The following DYNC2I1 variants were observed in gnomAD, a reference collection of about 807,000 sequenced individuals.
The protein encoded by DYNC2I1 is cytoplasmic dynein 2 intermediate chain 1.
Under a neutral mutation model 133.4 loss-of-function variants are expected in DYNC2I1, and 89 were observed. That is an observed-to-expected ratio of 0.67 (90% CI 0.56 to 0.80). The LOEUF is 0.80. Ranked by LOEUF, DYNC2I1 falls within the 30% of genes least tolerant of loss-of-function variation. The pLI is 0.00. For missense variants in DYNC2I1, 1,291 were observed against 1,314.5 expected, an observed-to-expected ratio of 0.98 and a Z score of 0.28; for synonymous variants, 504 against 484.3, an observed-to-expected ratio of 1.04 and a Z score of -0.54.
the DYNC2I1 span, among the ~76,000 whole-genome samples, chr7:158,847,734 A>G: frequency 6.6e-6 from 1 of 152,250 alleles, no homozygotes; most frequent in Non-Finnish European, 1.5e-5. Flanking sequence ...TCCAATGTGG[A>G]TCTGTCTCAG....
chr7:158,881,718 G>T (rs1844047332), intron 5 of DYNC2I1, among the ~76,000 whole-genome samples: 1 of 152,174 alleles, frequency 6.6e-6, no homozygotes, highest in Admixed American at 6.5e-5. Context: ...CTCCCAAAGT[G>T]CTGGGATTAC....
the DYNC2I1 span, among the ~76,000 whole-genome samples, chr7:158,844,862 C>T: frequency 2.0e-5 from 3 of 152,170 alleles, no homozygotes; most frequent in Non-Finnish European, 4.4e-5. Context: ...CTCAGGTGAT[C>T]CACCTGCCTC....
intron 3 of DYNC2I1, among the ~76,000 whole-genome samples, chr7:158,874,354 C>T (rs1280046338): frequency 1.3e-5 from 2 of 152,132 alleles, no homozygotes; most frequent in East Asian, 1.9e-4. Context: ...GTTATAGGCA[C>T]GTGTCACCAC....
chr7:158,927,266 G>C (rs987439497), intron 20 of DYNC2I1, among the ~76,000 whole-genome samples: 1 of 151,906 alleles, frequency 6.6e-6, no homozygotes, highest in African/African-American at 2.4e-5. Flanking sequence ...GGCTGGGCGT[G>C]GTGGCACACA....
At chr7:158,940,029 G>T (rs149302771) in intron 23 of DYNC2I1, among the ~76,000 whole-genome samples, 4 of 152,282 alleles carry the variant, frequency 2.6e-5, no homozygotes, top group South Asian at 4.1e-4. Context: ...GAAATAGACT[G>T]TAATGCAATA....
chr7:158,884,659 C>T (rs369441055), intron 6 of DYNC2I1, 40 bp downstream of exon 6: 44 of 1,604,000 alleles, frequency 2.7e-5, no homozygotes, highest in African/African-American at 2.3e-4. Flanking sequence ...TTACGTGTGC[C>T]GCTCTCATGG....
In DYNC2I1 at chr7:158,926,274, T is replaced by C. The variant is rs1251511335; in HGVS notation, c.2345T>C (p.Val782Ala). ...STSVHKKQSF[V>A]LSPFSTQEEM... is the part of the protein sequence containing the mutation. ...TCCGTCCACAAAAAGCAGAGCTTTG[T>C]GCTTTCACCCTTTTCTACTCAAGAA... is the stretch of plus-strand genomic sequence containing the variant. Residue 782 changes from valine to alanine, a missense_variant, in exon 18 of 25, where the codon GTG becomes GCG. By Grantham distance (64) the Val-to-Ala change is moderately conservative. Transcript: ENST00000407559. 10 of 1,612,952 alleles carry C rather than the reference T, an allele frequency of 6.2e-6. No homozygotes were observed. The highest frequency in any genetic ancestry group is 8.5e-6 in the Non-Finnish European group (10 of 1,179,534).
chr7:158,846,900 T>C, the DYNC2I1 span, among the ~76,000 whole-genome samples: 10 of 152,178 alleles, frequency 6.6e-5, no homozygotes, highest in Non-Finnish European at 1.2e-4. Flanking sequence ...AATGAAAAAA[T>C]CTTTTGGATC....
At chr7:158,896,869 T>G (rs80095182) in intron 8 of DYNC2I1, among the ~76,000 whole-genome samples, 6 of 150,552 alleles carry the variant, frequency 4.0e-5, no homozygotes, top group African/African-American at 1.5e-4. Context: ...GTCTGTAGTT[T>G]TTTTTTTTTT....
At chr7:158,881,674 C>T (rs1384076121) in intron 5 of DYNC2I1, among the ~76,000 whole-genome samples, 1 of 152,126 alleles carries the variant, frequency 6.6e-6, no homozygotes, top group Non-Finnish European at 1.5e-5. Context: ...AGGATGGTCT[C>T]AATCTCCTGA....
At chr7:158,907,398 T>C (rs1327083375) in intron 11 of DYNC2I1, among the ~76,000 whole-genome samples, 1 of 150,316 alleles carries the variant, frequency 6.7e-6, no homozygotes, top group Non-Finnish European at 1.5e-5. Context: ...CTCATATAAA[T>C]ATGAGATAAA....
At chr7:158,941,333 C>T (rs1851340040) in intron 23 of DYNC2I1, among the ~76,000 whole-genome samples, 5 of 152,118 alleles carry the variant, frequency 3.3e-5, no homozygotes, top group Admixed American at 3.3e-4. Context: ...ATCTTAATGG[C>T]CCATATTTGA....
At chr7:158,894,137 G>GCATATCCTACCA (rs1554455836) in intron 8 of DYNC2I1, among the ~76,000 whole-genome samples, 3 of 151,468 alleles carry the variant, frequency 2.0e-5, no homozygotes, top group African/African-American at 7.3e-5. Context: ...ATATCATACC[G>GCATATCCTACCA]CATATCCTAC....
chr7:158,876,658 T>A lies in DYNC2I1; in HGVS notation c.540T>A (p.Asp180Glu). 4 of 1,580,034 alleles carry A rather than the reference T, an allele frequency of 2.5e-6. No individual in the cohort carries two copies. The highest frequency in any genetic ancestry group is 3.4e-6 in the Non-Finnish European group (4 of 1,169,820). Residue 180 changes from aspartate to glutamate, a missense_variant, in exon 4 of 25, where the codon GAT (aspartate) becomes GAA (glutamate). By Grantham distance (45) the Asp-to-Glu change is conservative. Transcript: ENST00000407559. ...AAGATGAAGACTCTGAAAGAGGAGA[T>A]GAAGATAGAGAAAGAAGATACCGAG... ...EEKDEDSERG[D>E]EDRERRYRER...
chr7:158,953,475 T>C (rs1025608943), intron 4 of DYNC2I1, among the ~76,000 whole-genome samples: 2 of 152,242 alleles, frequency 1.3e-5, no homozygotes, highest in African/African-American at 4.8e-5. Flanking sequence ...CATGGTACTT[T>C]GATACAAATA....
intron 20 of DYNC2I1, among the ~76,000 whole-genome samples, chr7:158,929,338 G>A (rs1175798492): frequency 6.6e-6 from 1 of 152,260 alleles, no homozygotes; most frequent in African/African-American, 2.4e-5. Context: ...CCCAGCCCGG[G>A]AGAGGGCGAG....
At chr7:158,887,980 A>G (rs192114547) in intron 7 of DYNC2I1, among the ~76,000 whole-genome samples, 1 of 150,180 alleles carries the variant, frequency 6.7e-6, no homozygotes, top group East Asian at 2.0e-4. Context: ...ACTCTAAAAT[A>G]GCACACTGTG....
At chr7:158,898,907 A>G (rs1845981174) in intron 8 of DYNC2I1, among the ~76,000 whole-genome samples, 1 of 151,432 alleles carries the variant, frequency 6.6e-6, no homozygotes, top group Non-Finnish European at 1.5e-5. Flanking sequence ...GTTTAAATAC[A>G]TTTACAACCA....
At chr7:158,866,856 G>A (rs1401498219) in intron 1 of DYNC2I1, among the ~76,000 whole-genome samples, 1 of 151,366 alleles carries the variant, frequency 6.6e-6, no homozygotes, top group Non-Finnish European at 1.5e-5. Flanking sequence ...CTGCACTCCA[G>A]CCTGGGCGAC....
Sources: gnomAD v4.1 joint callset for allele counts (sites outside exome capture counted in the v4.1 genomes callset) on GRCh38, gnomAD v4.1.1 for gene constraint, MANE v1.5 for transcripts, NCBI Gene and HGNC (gene_info 2026-07-23, HGNC 2026-07-21) for gene names.